The following AP4S1 variants were observed in gnomAD, a reference collection of about 807,000 sequenced individuals.
AP4S1 encodes the protein adaptor related protein complex 4 subunit sigma 1.
Under a neutral mutation model 19.8 loss-of-function variants are expected in AP4S1, and 23 were observed. The observed-to-expected ratio is 1.16, with a 90% CI of 0.84 to 1.65. The LOEUF (loss-of-function observed/expected upper bound fraction) is 1.65. Ranked by LOEUF, AP4S1 falls within the 40% of genes most tolerant of loss-of-function variation. The probability of loss-of-function intolerance (pLI) is 0.00; values close to 1 mark genes in which losing one functional copy is unlikely to be tolerated. For missense variants in AP4S1, 166 were observed against 172.8 expected, an observed-to-expected ratio of 0.96 and a Z score of 0.22; for synonymous variants, 46 against 54.1, an observed-to-expected ratio of 0.85 and a Z score of 0.66.
intron 1 of AP4S1, among the ~76,000 whole-genome samples, chr14:31,027,898 A>T (rs1239916543): frequency 6.6e-6 from 1 of 152,208 alleles, no homozygotes; most frequent in Non-Finnish European, 1.5e-5. Context: ...ATGCAGGAAA[A>T]TTGCATTGAA....
chr14:31,030,548 T>G (rs548631263), intron 1 of AP4S1, among the ~76,000 whole-genome samples: 1 of 152,292 alleles, frequency 6.6e-6, no homozygotes, highest in East Asian at 1.9e-4. Context: ...GGAGTCTCAC[T>G]GTATTGCCAG....
intron 1 of AP4S1, among the ~76,000 whole-genome samples, chr14:31,043,440 G>C (rs1885223185): frequency 6.6e-6 from 1 of 152,142 alleles, no homozygotes; most frequent in Non-Finnish European, 1.5e-5. Flanking sequence ...GAATGGAACA[G>C]GTACAGGAAG....
intron 1 of AP4S1, among the ~76,000 whole-genome samples, chr14:31,048,466 C>T (rs1306547946): frequency 6.6e-6 from 1 of 152,116 alleles, no homozygotes; most frequent in South Asian, 2.1e-4. Flanking sequence ...CAGTGACTCA[C>T]ACCTGTAATC....
intron 1 of AP4S1, among the ~76,000 whole-genome samples, chr14:31,052,862 C>G (rs12885886): frequency 6.6e-6 from 1 of 151,532 alleles, no homozygotes; most frequent in African/African-American, 2.4e-5. Flanking sequence ...ATCTATTTCC[C>G]TGTAGACTTA....
intron 5 of AP4S1, among the ~76,000 whole-genome samples, chr14:31,082,900 A>C (rs1254923578): frequency 6.6e-6 from 1 of 152,058 alleles, no homozygotes; most frequent in Non-Finnish European, 1.5e-5. Context: ...CGTCTCAAAA[A>C]AAAAAAAAAA....
rs117844114 is a variant in AP4S1, at chr14:31,085,523, C to T, written c.306+4939C>T. On this transcript the variant is annotated intron_variant, in intron 5 of 5. Transcript: ENST00000542754. ...GCACAGTGGCTCACGCCAGTAATCC[C>T]AGCACTTTGGAGGGCTGAAGCAGGA... is the stretch of plus-strand genomic sequence containing the variant. The T allele has an allele frequency of 6.6e-4, 646 of 985,568 alleles. 19 individuals carry two copies. The East Asian group carries it at 0.056, about 85-fold the overall frequency. The allele number at this position is 985,568 out of a possible 1,614,324, so 61.1% of individuals were successfully genotyped here. A position where few individuals can be genotyped will look rare whatever the true frequency, so the allele number is the denominator to read the frequency against.
intron 5 of AP4S1, among the ~76,000 whole-genome samples, chr14:31,081,616 G>A (rs1163232331): frequency 6.6e-5 from 10 of 151,574 alleles, no homozygotes; most frequent in African/African-American, 2.2e-4. Flanking sequence ...CATCAAGTTT[G>A]AATATAAAAT....
chr14:31,084,883 A>G (rs1355784239), intron 5 of AP4S1: 2 of 1,614,092 alleles, frequency 1.2e-6, no homozygotes, highest in African/African-American at 1.3e-5. Flanking sequence ...CATCTACTGA[A>G]TAGCCAGGGG....
chr14:31,071,893 A>T (rs1374354804), intron 3 of AP4S1, among the ~76,000 whole-genome samples: 1 of 132,002 alleles, frequency 7.6e-6, no homozygotes, highest in African/African-American at 2.8e-5. Flanking sequence ...TTTTACTTTT[A>T]TTTATTTATT....
intron 1 of AP4S1, among the ~76,000 whole-genome samples, chr14:31,049,308 G>A (rs1313796891): frequency 6.7e-6 from 1 of 149,532 alleles, no homozygotes; most frequent in Admixed American, 6.7e-5. Context: ...CAGCTACTCG[G>A]GAGGCTGAGG....
chr14:31,026,927 T>C (rs1342819432), intron 1 of AP4S1: 2 of 152,400 alleles, frequency 1.3e-5, no homozygotes, highest in Non-Finnish European at 2.9e-5. Context: ...TCGCTCTGCC[T>C]CTGGTTTCTT....
At chr14:31,067,402 C>T (rs1290110708) in intron 2 of AP4S1, among the ~76,000 whole-genome samples, 1 of 151,142 alleles carries the variant, frequency 6.6e-6, no homozygotes, top group African/African-American at 2.4e-5. Context: ...AGGTATATCT[C>T]CTAATGCTAT....
At position 31,069,997 on chromosome 14, in the gene AP4S1, ACT is replaced by A. The variant is rs1230309216; in HGVS notation, c.225+73_225+74del. On this transcript the variant is annotated intron_variant, in intron 3 of 5. Transcript: ENST00000542754. ...TCTACTTGCCTCCCTAAGAATTATG[ACT>A]CTCTTGATTTTTTTTAGACAGAATT... 2.2e-6 allele frequency: 3 copies of A among 1,342,422 alleles called. No individual in the cohort carries two copies. The South Asian group carries it at 3.5e-5, about 16-fold the overall frequency. The allele number at this position is 1,342,422 out of a possible 1,614,324, so 83.2% of individuals were successfully genotyped here.
intron 1 of AP4S1, among the ~76,000 whole-genome samples, chr14:31,046,924 C>T (rs533895754): frequency 1.7e-4 from 26 of 152,006 alleles, no homozygotes; most frequent in Non-Finnish European, 2.9e-4. Context: ...TGGAAACTGC[C>T]GATTTGTTTT....
At chr14:31,031,483 A>G (rs762379261) in intron 1 of AP4S1, among the ~76,000 whole-genome samples, 2 of 152,228 alleles carry the variant, frequency 1.3e-5, no homozygotes, top group African/African-American at 4.8e-5. Flanking sequence ...CGTCACGTCA[A>G]TCATTTTTGT....
intron 5 of AP4S1, among the ~76,000 whole-genome samples, chr14:31,087,672 T>A (rs1246791134): frequency 2.6e-5 from 4 of 152,196 alleles, no homozygotes; most frequent in South Asian, 2.1e-4. Context: ...GACATATTTT[T>A]TAAAAATTAA....
chr14:31,070,943 T>A (rs1886966142), intron 3 of AP4S1, among the ~76,000 whole-genome samples: 2 of 151,872 alleles, frequency 1.3e-5, no homozygotes, highest in African/African-American at 4.8e-5. Flanking sequence ...TCCCAGCTAC[T>A]CGGGAGGCTG....
At position 31,035,972 on chromosome 14, in the gene AP4S1, C is replaced by T. The variant is rs150071764; in HGVS notation, c.-72+10185C>T. Among the ~76,000 whole-genome samples the T allele has an allele frequency of 1.9e-3, 294 of 152,062 alleles. 5 individuals are homozygous for T. In the East Asian group the frequency reaches 0.031, roughly 16 times the overall value. Reference sequence around the variant, plus strand: ...GTCTCGATATCCTGACCTGGTGATCCGCCCGCCTTGGCCTCCCAAAGTGCT... The same window carrying T: ...GTCTCGATATCCTGACCTGGTGATCTGCCCGCCTTGGCCTCCCAAAGTGCT... On this transcript the variant is annotated intron_variant, in intron 1 of 5. Transcript: ENST00000542754.
chr14:31,037,624 T>A (rs1461629663), intron 1 of AP4S1, among the ~76,000 whole-genome samples: 1 of 152,096 alleles, frequency 6.6e-6, no homozygotes, highest in East Asian at 1.9e-4. Flanking sequence ...TGGGCAACAG[T>A]TGGGCAGGCT....
Sources: allele counts gnomAD v4.1 joint callset (sites outside exome capture counted in the v4.1 genomes callset), GRCh38; gene constraint gnomAD v4.1.1; transcripts MANE v1.5; gene names NCBI Gene and HGNC (gene_info 2026-07-23, HGNC 2026-07-21).